The following ADCY2 variants were observed in gnomAD, a reference collection of about 807,000 sequenced individuals.
ADCY2 encodes the protein adenylate cyclase 2, also known as adenylate cyclase type 2.
A neutral mutation model predicts 125.2 loss-of-function variants in ADCY2; 31 were observed. The ratio of observed to expected loss-of-function variants is 0.25; its 90% CI spans 0.19 to 0.33. The LOEUF (loss-of-function observed/expected upper bound fraction) is 0.33. ADCY2 is among the 10% of genes least tolerant of loss of function. The pLI is 1.00. For synonymous variants in ADCY2, 512 were observed against 548.4 expected, an observed-to-expected ratio of 0.93 and a Z score of 0.93; for missense variants, 904 against 1,418.2, an observed-to-expected ratio of 0.64 and a Z score of 5.82.
intron 1 of ADCY2, 70 bp from the exon 2 acceptor site, chr5:7,414,503 A>G (rs1739858503): frequency 1.5e-6 from 2 of 1,328,524 alleles, no homozygotes; most frequent in Non-Finnish European, 2.1e-6. Flanking sequence ...TGACATTTTA[A>G]CAACATAAAT....
In ADCY2 at chr5:7,667,213, AG is replaced by A. The variant is rs566438407; in HGVS notation, c.721-23477del. Among the ~76,000 whole-genome samples, 10 of 152,314 alleles carry A rather than the reference AG, an allele frequency of 6.6e-5. No homozygotes were observed. In the East Asian group the frequency reaches 1.9e-3, roughly 29 times the overall value. On this transcript the variant is annotated intron_variant, in intron 4 of 24. Transcript: ENST00000338316. ...CACTTTCCTGATGAGGGAAAGTGCA[AG>A]AGTAAACAAATAATAGGTGTCTCGG... is the stretch of plus-strand genomic sequence containing the variant.
At chr5:7,727,039 C>T (rs10067728) in intron 13 of ADCY2, 125 bp from the exon 14 acceptor site, 329,117 of 656,144 alleles carry the variant, frequency 0.5, 89,480 homozygotes, top group Non-Finnish European at 0.58. Flanking sequence ...CCTTAGCTCA[C>T]GTTGGCTGCA....
chr5:7,823,220 AC>A (rs1339874211), intron 24 of ADCY2, among the ~76,000 whole-genome samples: 1 of 152,236 alleles, frequency 6.6e-6, no homozygotes, highest in Non-Finnish European at 1.5e-5. Context: ...TAAAAGTCCA[AC>A]CAAGAGAAGG....
chr5:7,761,838 ATTCT>A (rs1404066260), intron 16 of ADCY2, among the ~76,000 whole-genome samples: 1 of 152,222 alleles, frequency 6.6e-6, no homozygotes, highest in Non-Finnish European at 1.5e-5. Context: ...AGGAGGAGAC[ATTCT>A]TTCAACAGTA....
At chr5:7,673,071 G>A (rs368691511) in intron 4 of ADCY2, among the ~76,000 whole-genome samples, 1 of 151,002 alleles carries the variant, frequency 6.6e-6, no homozygotes, top group African/African-American at 2.4e-5. Context: ...TATTAACCAA[G>A]TTACTTCATC....
chr5:7,520,867 A>G lies in ADCY2; in HGVS notation c.538A>G (p.Thr180Ala), dbSNP rs150675562. ...CGTGCTTAGCGTCTGCCTGTCTGCAACACCGGGAGGCAAGGAGCACCTGGT... is the reference window on the plus strand; with the variant it reads ...CGTGCTTAGCGTCTGCCTGTCTGCAGCACCGGGAGGCAAGGAGCACCTGGT... ...TIVLSVCLSA[T>A]PGGKEHLVWQ... The change falls in exon 3 of 25, where the codon ACA (threonine) becomes GCA (alanine). Residue 180 changes from threonine (T) to alanine (A), a missense_variant. Around this residue, in one of 7 missense-constraint regions of ADCY2, gnomAD observed 121 missense variants for 161.5 expected, o/e 0.75. Transcript: ENST00000338316. 2.7e-3 allele frequency: 4,343 copies of G among 1,614,124 alleles called. 5 individuals carry two copies. The highest frequency in any genetic ancestry group is 3.5e-3 in the Non-Finnish European group (4,156 of 1,180,026).
Position 7,511,938 on chromosome 5 carries a change from G to T in ADCY2, c.409-8800G>T, listed in dbSNP as rs577236413. Among the ~76,000 whole-genome samples the T allele has an allele frequency of 2.0e-5, 3 of 151,906 alleles. No individual in the cohort carries two copies. The South Asian group carries it at 6.3e-4, about 32-fold the overall frequency. The stretch of plus-strand genomic sequence containing the variant: ...TAAGTGTTACAGAAAATCATTGGAG[G>T]GGCCAGACGCTGTGGCTCACACCTG... On this transcript the variant is annotated intron_variant, in intron 2 of 24. Transcript: ENST00000338316.
intron 3 of ADCY2, among the ~76,000 whole-genome samples, chr5:7,623,794 C>T (rs958211217): frequency 6.6e-6 from 1 of 152,176 alleles, no homozygotes; most frequent in Non-Finnish European, 1.5e-5. Flanking sequence ...CTGCATATCA[C>T]CTGCACACAC....
At chr5:7,539,592 G>A (rs1734930548) in intron 3 of ADCY2, among the ~76,000 whole-genome samples, 1 of 152,224 alleles carries the variant, frequency 6.6e-6, no homozygotes, top group Non-Finnish European at 1.5e-5. Context: ...CAACTGTGAA[G>A]TTGTCAATAG....
intron 7 of ADCY2, 96 bp from the exon 8 acceptor site, chr5:7,706,648 A>C: frequency 6.9e-7 from 1 of 1,444,754 alleles, no homozygotes; most frequent in Non-Finnish European, 9.6e-7. Context: ...CGACAGTTTG[A>C]AAAATTCTGA....
intron 3 of ADCY2, among the ~76,000 whole-genome samples, chr5:7,561,475 ATAT>A (rs759677605): frequency 2.6e-5 from 4 of 151,512 alleles, no homozygotes; most frequent in Non-Finnish European, 5.9e-5. Flanking sequence ...ATAAAATACA[ATAT>A]TATACTTTTA....
At chr5:7,727,575 C>T (rs1741969948) in intron 14 of ADCY2, among the ~76,000 whole-genome samples, 1 of 152,044 alleles carries the variant, frequency 6.6e-6, no homozygotes, top group Non-Finnish European at 1.5e-5. Flanking sequence ...TAAACTTTAC[C>T]CACAAAGAGT....
intron 4 of ADCY2, among the ~76,000 whole-genome samples, chr5:7,678,959 G>A (rs969336688): frequency 6.6e-6 from 1 of 152,206 alleles, no homozygotes; most frequent in Non-Finnish European, 1.5e-5. Flanking sequence ...TCCAACAAAT[G>A]TTTATTGTTT....
intron 9 of ADCY2, chr5:7,708,137 T>C (rs1327918155): frequency 4.3e-6 from 1 of 235,024 alleles, no homozygotes; most frequent in African/African-American, 2.3e-5. Flanking sequence ...TCTGAAAGCC[T>C]CCCAGTGGGC....
chr5:7,519,940 C>T (rs1421522647), intron 2 of ADCY2, among the ~76,000 whole-genome samples: 1 of 152,176 alleles, frequency 6.6e-6, no homozygotes, highest in Non-Finnish European at 1.5e-5. Flanking sequence ...ATTTTATTCA[C>T]TTAGCATGTT....
At chr5:7,535,123 C>G (rs1005671127) in intron 3 of ADCY2, among the ~76,000 whole-genome samples, 1 of 152,174 alleles carries the variant, frequency 6.6e-6, no homozygotes, top group African/African-American at 2.4e-5. Flanking sequence ...TCACCGCAAC[C>G]TCCGCCTCTC....
intron 1 of ADCY2, among the ~76,000 whole-genome samples, chr5:7,402,024 T>TCACCCTGGATGGCAGTC (rs1197825865): frequency 2.6e-5 from 4 of 152,224 alleles, no homozygotes; most frequent in Non-Finnish European, 5.9e-5. Flanking sequence ...GTGATTGACA[T>TCACCCTGGATGGCAGTC]CACCCTGGAT....
At chr5:7,787,135 G>A (rs1194188720) in intron 19 of ADCY2, among the ~76,000 whole-genome samples, 2 of 152,178 alleles carry the variant, frequency 1.3e-5, no homozygotes, top group Non-Finnish European at 2.9e-5. Context: ...CGAGAGGTGG[G>A]TGACAATCCG....
chr5:7,561,024 T>A (rs1177197104), intron 3 of ADCY2, among the ~76,000 whole-genome samples: 1 of 152,198 alleles, frequency 6.6e-6, no homozygotes, highest in Non-Finnish European at 1.5e-5. Flanking sequence ...GTTCGTAGTT[T>A]GTTTTCATTG....
Sources: allele counts gnomAD v4.1 joint callset (sites outside exome capture counted in the v4.1 genomes callset), GRCh38; gene constraint gnomAD v4.1.1; regional missense constraint gnomAD v4.1.1; transcripts MANE v1.5; gene names NCBI Gene and HGNC (gene_info 2026-07-23, HGNC 2026-07-21).